The following KLHL12 variants were observed in gnomAD, a reference collection of about 807,000 sequenced individuals.
KLHL12 encodes kelch like family member 12, also known as kelch-like protein 12.
Under a neutral mutation model 60.8 loss-of-function variants are expected in KLHL12, and 17 were observed. The observed-to-expected ratio is 0.28, with a 90% CI of 0.19 to 0.42. KLHL12 has a LOEUF of 0.42. Among genes scored for constraint, KLHL12 ranks in the 10% least tolerant of loss-of-function variants. The pLI, the probability that KLHL12 is intolerant of heterozygous loss-of-function variation, is 1.00. For missense variants in KLHL12, 468 were observed against 722.3 expected (o/e 0.65, Z 4.04); for synonymous variants, 220 against 250.9 (o/e 0.88, Z 1.16).
At chr1:202,912,612 G>C (rs1471243402) in intron 4 of KLHL12, 2 of 1,334,844 alleles carry the variant, frequency 1.5e-6, no homozygotes, top group Non-Finnish European at 2.1e-6. Context: ...GGAAACTTTG[G>C]AGGCAGAAGC....
intron 6 of KLHL12, among the ~76,000 whole-genome samples, chr1:202,903,202 G>A (rs1179188764): frequency 6.7e-6 from 1 of 148,162 alleles, no homozygotes; most frequent in African/African-American, 2.5e-5. Context: ...TGAGACATAA[G>A]GTGACTTTTT....
rs747680787 is a variant in KLHL12 at position 202,894,239 on chromosome 1, G to A, written c.1338C>T (p.Tyr446=). 29 of 1,557,702 alleles carry A rather than the reference G, an allele frequency of 1.9e-5. No homozygotes were observed. The highest frequency in any genetic ancestry group is 1.2e-4 in the South Asian group (10 of 84,568). ...GLNILNSVEK[Y]DPHTGHWTNV... Reference sequence around the variant, plus strand: ...TAGTCCAATGTCCTGTATGAGGGTCGTATTTCTCAACTGAATTTAAGATAT... The same window carrying A: ...TAGTCCAATGTCCTGTATGAGGGTCATATTTCTCAACTGAATTTAAGATAT... The change falls in exon 10 of 12, where the codon TAC becomes TAT. Residue 446 remains tyrosine (Y), a synonymous_variant. Coordinates refer to ENST00000367261, the MANE Select transcript of KLHL12 (RefSeq NM_021633.4).
chr1:202,927,235 G>C (rs926724315), upstream of KLHL12: 1 of 985,086 alleles, frequency 1.0e-6, no homozygotes, highest in Non-Finnish European at 1.2e-6. Flanking sequence ...GTCCGGGTCT[G>C]GCCCCTGCGG....
At chr1:202,925,597 T>A (rs868544110) in intron 1 of KLHL12, among the ~76,000 whole-genome samples, 1 of 152,194 alleles carries the variant, frequency 6.6e-6, no homozygotes, top group Non-Finnish European at 1.5e-5. Flanking sequence ...TAGATAAGTA[T>A]TTAGAGCATA....
At position 202,911,639 on chromosome 1, in the gene KLHL12, T is replaced by G. The variant is rs16850747; in HGVS notation, c.568-436A>C. Among the ~76,000 whole-genome samples, 256 of 152,228 alleles carry G rather than the reference T, an allele frequency of 1.7e-3. 1 individual carries two copies. Among genetic ancestry groups the G allele is most frequent in the African/African-American group, 6.1e-3 (252 of 41,528 alleles). On this transcript the variant is annotated intron_variant, in intron 4 of 11. Coordinates refer to ENST00000367261, the MANE Select transcript of KLHL12 (RefSeq NM_021633.4). ...AGTCAGCTCTTGAAATAATTTTAAGTCATAATTGTTATCTAATGATCTCCA... is the reference window on the plus strand; with the variant it reads ...AGTCAGCTCTTGAAATAATTTTAAGGCATAATTGTTATCTAATGATCTCCA...
intron 5 of KLHL12, 52 bp downstream of exon 5, chr1:202,911,002 T>C: frequency 6.3e-7 from 1 of 1,595,276 alleles, no homozygotes; most frequent in East Asian, 2.2e-5. Context: ...TACATAACAC[T>C]AAGGTAAGAG....
rs193207242 is a variant in KLHL12, at chr1:202,903,771, C to T, written c.832+5239G>A. On this transcript the variant is annotated intron_variant, in intron 6 of 11. Transcript: ENST00000367261. ...CCCAATAGCTGGGATTACAGGCATG[C>T]GTCACCATGCCTGGCTAATTTTTAT... Among the ~76,000 whole-genome samples the T allele has an allele frequency of 2.7e-4, 40 of 150,490 alleles. No individual in the cohort carries two copies. The East Asian group carries it at 7.0e-3, about 26-fold the overall frequency.
chr1:202,919,010 G>T (rs1317100702), intron 3 of KLHL12, among the ~76,000 whole-genome samples: 3 of 152,178 alleles, frequency 2.0e-5, no homozygotes, highest in Admixed American at 2.0e-4. Flanking sequence ...CAGCATTCTG[G>T]GAGGCAAGGT....
intron 4 of KLHL12, among the ~76,000 whole-genome samples, chr1:202,917,093 T>G (rs1022221432): frequency 3.3e-5 from 5 of 152,224 alleles, no homozygotes; most frequent in Admixed American, 3.3e-4. Context: ...CAAACCTATA[T>G]GCAATAAAAC....
chr1:202,894,839 A>C, intron 8 of KLHL12, 90 bp from the exon 9 acceptor site: 1 of 1,043,616 alleles, frequency 9.6e-7, no homozygotes, highest in Non-Finnish European at 1.5e-6. Context: ...GTCCTTTAAA[A>C]GTCTGAGAGC....
intron 4 of KLHL12, among the ~76,000 whole-genome samples, chr1:202,917,187 T>TTC (rs1557997949): frequency 7.9e-5 from 12 of 152,120 alleles, no homozygotes; most frequent in Non-Finnish European, 1.5e-4. Flanking sequence ...CTGGCACAGG[T>TTC]AGTATCCCCC....
chr1:202,903,629 C>CTTCTTTTTTTTTTTT lies in KLHL12; in HGVS notation c.832+5380_832+5381insAAAAAAAAAAAAGAA, dbSNP rs1660087890. Among the ~76,000 whole-genome samples, 73 of 76,082 alleles carry CTTCTTTTTTTTTTTT rather than the reference C, an allele frequency of 9.6e-4. 2 individuals carry two copies. The highest frequency in any genetic ancestry group is 3.2e-3 in the African/African-American group (71 of 22,360). The allele number at this position is 76,082 out of a possible 152,430, so 49.9% of individuals were successfully genotyped here. On this transcript the variant is annotated intron_variant, in intron 6 of 11. Transcript: ENST00000367261. ...CTGGGACCACTAATTTTTTTCTTTT[C>CTTCTTTTTTTTTTTT]TTTTTTTTTTTGAAACGGCGTCTTG...
Position 202,892,656 on chromosome 1 carries a change from A to G in KLHL12, c.1584T>C (p.Tyr528=). 2 of 1,613,678 alleles carry G rather than the reference A, an allele frequency of 1.2e-6. No homozygotes were observed. The highest frequency in any genetic ancestry group is 1.7e-6 in the Non-Finnish European group (2 of 1,179,688). Residue 528 remains tyrosine, a synonymous_variant, in exon 12 of 12, where the codon TAT becomes TAC. Coordinates refer to ENST00000367261, the MANE Select transcript of KLHL12 (RefSeq NM_021633.4). ...LRGRLYAIAG[Y]DGNSLLSSIE... ...TGCTACTTAGCAGGGAATTACCATC[A>G]TATCTGAGTGGGAAAGAAGCAAAAG...
rs1220119536 is a variant in KLHL12, at chr1:202,903,629, C to CTTTTTTTTTTTTTTTTTT, written c.832+5380_832+5381insAAAAAAAAAAAAAAAAAA. ...CTGGGACCACTAATTTTTTTCTTTT[C>CTTTTTTTTTTTTTTTTTT]TTTTTTTTTTTGAAACGGCGTCTTG... On this transcript the variant is annotated intron_variant, in intron 6 of 11. Coordinates refer to ENST00000367261, the MANE Select transcript of KLHL12 (RefSeq NM_021633.4). 1.5e-3 allele frequency among the ~76,000 whole-genome samples: 116 copies of CTTTTTTTTTTTTTTTTTT among 76,068 alleles called. 18 individuals are homozygous for CTTTTTTTTTTTTTTTTTT. The highest frequency in any genetic ancestry group is 3.2e-3 in the African/African-American group (71 of 22,350). 49.9% of individuals were successfully genotyped at this position (76,068 alleles called of 152,430 possible).
Position 202,909,196 on chromosome 1 carries a change from G to T in KLHL12, c.718-72C>A. 1 of 943,394 alleles carries T rather than the reference G, an allele frequency of 1.1e-6. No individual in the cohort carries two copies. The highest frequency in any genetic ancestry group is 1.7e-6 in the Non-Finnish European group (1 of 602,008). 58.4% of individuals were successfully genotyped at this position (943,394 alleles called of 1,614,324 possible). On this transcript the variant is annotated intron_variant, in intron 5 of 11. Transcript: ENST00000367261. This position sits in a 1 kb window ranked among gnomAD's most constrained non-coding sequence, Gnocchi z 4.1. ...TACTATAAGAGTACAAAGAGCACAT[G>T]CAAATAATTAACTTCTGACTACAGA...
Position 202,919,897 on chromosome 1 carries a change from C to G in KLHL12, c.207G>C (p.Lys69Asn). 2 of 1,613,166 alleles carry G rather than the reference C, an allele frequency of 1.2e-6. No homozygotes were observed. Among genetic ancestry groups the G allele is most frequent in the Non-Finnish European group, 1.7e-6 (2 of 1,179,660 alleles). ...CAMFTSELSE[K>N]GKPYVDIQGL... is the part of the protein sequence containing the mutation. Reference sequence around the variant, plus strand: ...CTTGGATGTCAACATAAGGTTTCCCCTTCTCTGAGAGCTGAAAATTCAAAA... The same window carrying G: ...CTTGGATGTCAACATAAGGTTTCCCGTTCTCTGAGAGCTGAAAATTCAAAA... Residue 69 changes from lysine to asparagine, a missense_variant, in exon 3 of 12, where the codon AAG becomes AAC. Physicochemically the swap from Lys to Asn is moderately conservative, Grantham distance 94. Around this residue, in one of 4 missense-constraint regions of KLHL12, gnomAD observed 339 missense variants for 525.0 expected, o/e 0.65. Coordinates refer to ENST00000367261, the MANE Select transcript of KLHL12 (RefSeq NM_021633.4).
At position 202,909,323 on chromosome 1, in the gene KLHL12, A is replaced by G. The variant is rs1338271470; in HGVS notation, c.718-199T>C. Among the ~76,000 whole-genome samples the G allele has an allele frequency of 6.6e-6, 1 of 151,156 alleles. No homozygotes were observed. Among genetic ancestry groups the G allele is most frequent in the Non-Finnish European group, 1.5e-5 (1 of 67,956 alleles). On this transcript the variant is annotated intron_variant, in intron 5 of 11. Coordinates refer to ENST00000367261, the MANE Select transcript of KLHL12 (RefSeq NM_021633.4). The surrounding 1 kb of genome is among the most constrained non-coding windows in gnomAD (Gnocchi z 4.1). Reference sequence around the variant, plus strand: ...TTAAAATTTACTTGAAAAATAGATAACATACTAGATGGATCAAAAATCAAA... The same window carrying G: ...TTAAAATTTACTTGAAAAATAGATAGCATACTAGATGGATCAAAAATCAAA...
chr1:202,900,883 A>T (rs1659985510), intron 6 of KLHL12, among the ~76,000 whole-genome samples: 1 of 145,682 alleles, frequency 6.9e-6, no homozygotes, highest in African/African-American at 2.5e-5. Context: ...AAACACAAAT[A>T]CAAACACAAA....
intron 4 of KLHL12, among the ~76,000 whole-genome samples, chr1:202,913,613 T>A (rs986513198): frequency 6.6e-6 from 1 of 152,160 alleles, no homozygotes; most frequent in Non-Finnish European, 1.5e-5. Context: ...TATTATTGCA[T>A]ACTACATAGG....
Sources: gnomAD v4.1 joint callset for allele counts (sites outside exome capture counted in the v4.1 genomes callset) on GRCh38, gnomAD v4.1.1 for gene constraint, gnomAD v4.1.1 regional missense constraint, Gnocchi (gnomAD v3.1) non-coding constraint, MANE v1.5 for transcripts, NCBI Gene and HGNC (gene_info 2026-07-23, HGNC 2026-07-21) for gene names.